RAD51B: variants seen among roughly 807,000 people sequenced by gnomAD.
RAD51B encodes the protein RAD51 paralog B, also known as DNA repair protein RAD51 homolog 2.
A neutral mutation model predicts 42.2 loss-of-function variants in RAD51B; 38 were observed. The observed-to-expected ratio is 0.90, with a 90% CI of 0.70 to 1.18. The LOEUF is 1.18. Among genes scored for constraint, RAD51B ranks in the 50% most tolerant of loss-of-function variants. RAD51B has a pLI of 0.00. For missense variants in RAD51B, 373 were observed against 400.7 expected, an observed-to-expected ratio of 0.93 and a Z score of 0.59; for synonymous variants, 154 against 145.2, an observed-to-expected ratio of 1.06 and a Z score of -0.43.
intron 8 of RAD51B, among the ~76,000 whole-genome samples, chr14:68,376,986 G>A (rs548507976): frequency 2.0e-5 from 3 of 152,176 alleles, no homozygotes; most frequent in African/African-American, 7.2e-5. Flanking sequence ...AAATTGCAGA[G>A]TAAAAGTCTG....
At chr14:68,478,641 A>G (rs1395816697), downstream of RAD51B, among the ~76,000 whole-genome samples, 1 of 152,204 alleles carries the variant, frequency 6.6e-6, no homozygotes, top group Non-Finnish European at 1.5e-5. Flanking sequence ...GACCTATCTT[A>G]CCCAGGTTGT....
intron 10 of RAD51B, among the ~76,000 whole-genome samples, chr14:68,515,959 G>C (rs1014570921): frequency 2.6e-5 from 4 of 151,694 alleles, no homozygotes; most frequent in African/African-American, 9.7e-5. Context: ...GTAATTTTTT[G>C]TATTTTTAGT....
intron 10 of RAD51B, among the ~76,000 whole-genome samples, chr14:68,568,810 C>T (rs1450134330): frequency 6.8e-6 from 1 of 147,948 alleles, no homozygotes; most frequent in East Asian, 1.9e-4. Context: ...TTCCTCTGCC[C>T]TCTCTTTGCC....
intron 7 of RAD51B, among the ~76,000 whole-genome samples, chr14:68,043,051 GA>G (rs34790747): frequency 0.014 from 2,095 of 145,492 alleles, 55 homozygotes; most frequent in African/African-American, 0.047. Context: ...TTTGAATGGG[GA>G]AAAAAAAAAA....
At chr14:68,663,169 G>A (rs1892967747) in intron 11 of RAD51B, among the ~76,000 whole-genome samples, 1 of 152,210 alleles carries the variant, frequency 6.6e-6, no homozygotes, top group South Asian at 2.1e-4. Flanking sequence ...AGGCGTGGTG[G>A]TGCGCACCTA....
intron 10 of RAD51B, among the ~76,000 whole-genome samples, chr14:68,621,203 C>T (rs980264492): frequency 6.6e-6 from 1 of 152,210 alleles, no homozygotes; most frequent in African/African-American, 2.4e-5. Flanking sequence ...TCCATCCATT[C>T]ATGATGGCAG....
intron 4 of RAD51B, among the ~76,000 whole-genome samples, chr14:67,851,248 T>C (rs928857850): frequency 1.3e-5 from 2 of 152,050 alleles, no homozygotes; most frequent in Non-Finnish European, 2.9e-5. Context: ...CTGGACTTCC[T>C]CTATGAGTCT....
At chr14:68,473,659 G>A (rs1194526263) in intron 10 of RAD51B, among the ~76,000 whole-genome samples, 1 of 151,932 alleles carries the variant, frequency 6.6e-6, no homozygotes, top group Non-Finnish European at 1.5e-5. Flanking sequence ...AAAGAAAACA[G>A]GTGAATCTAA....
chr14:67,839,579 A>T (rs1414805253), intron 4 of RAD51B, among the ~76,000 whole-genome samples: 1 of 152,128 alleles, frequency 6.6e-6, no homozygotes, highest in African/African-American at 2.4e-5. Flanking sequence ...TTTAAAAAAA[A>T]TCTTGTCAGA....
chr14:67,950,474 C>G (rs1475791626), intron 7 of RAD51B, among the ~76,000 whole-genome samples: 2 of 152,230 alleles, frequency 1.3e-5, no homozygotes, highest in Non-Finnish European at 1.5e-5. Context: ...GGGCCTTGCT[C>G]TGGATTAGGC....
intron 8 of RAD51B, among the ~76,000 whole-genome samples, chr14:68,299,403 T>G (rs1472976684): frequency 6.6e-6 from 1 of 152,154 alleles, no homozygotes. Context: ...CAGACCTTTT[T>G]CCTTGTCATT....
chr14:68,611,431 C>G (rs758941790), exon 11 of RAD51B: 4 of 594,724 alleles, frequency 6.7e-6, no homozygotes, highest in Non-Finnish European at 1.2e-5. Flanking sequence ...ACTCCTACAA[C>G]CCTTGATCCC....
At chr14:68,177,966 G>A (rs1407648223) in intron 7 of RAD51B, among the ~76,000 whole-genome samples, 4 of 152,158 alleles carry the variant, frequency 2.6e-5, no homozygotes, top group Non-Finnish European at 5.9e-5. Flanking sequence ...GCTCATCCAA[G>A]TAGGCAGAAT....
At chr14:68,314,752 G>C (rs1328474687) in intron 8 of RAD51B, among the ~76,000 whole-genome samples, 1 of 152,146 alleles carries the variant, frequency 6.6e-6, no homozygotes, top group Admixed American at 6.5e-5. Context: ...CTTATGACAG[G>C]CAATGATGGT....
At chr14:68,591,489 A>G (rs929623613) in intron 10 of RAD51B, among the ~76,000 whole-genome samples, 8 of 152,228 alleles carry the variant, frequency 5.3e-5, no homozygotes, top group Admixed American at 2.6e-4. Context: ...ATGCTTCTCA[A>G]GAAACAACCA....
chr14:68,408,695 C>G (rs1186131571), intron 8 of RAD51B, among the ~76,000 whole-genome samples: 3 of 152,096 alleles, frequency 2.0e-5, no homozygotes, highest in African/African-American at 7.2e-5. Context: ...TTTTAAAAAT[C>G]AAAATTGCGC....
intron 7 of RAD51B, among the ~76,000 whole-genome samples, chr14:68,050,421 G>A (rs1230554285): frequency 6.6e-6 from 1 of 151,712 alleles, no homozygotes; most frequent in African/African-American, 2.4e-5. Context: ...TCATTTTTTA[G>A]TCGACAACAA....
intron 7 of RAD51B, among the ~76,000 whole-genome samples, chr14:67,931,077 C>T (rs1021865266): frequency 6.6e-5 from 10 of 152,068 alleles, no homozygotes; most frequent in East Asian, 1.9e-4. Flanking sequence ...CCTGCCACCA[C>T]GCCTGGCTAA....
At chr14:68,531,513 T>C (rs1887304401) in intron 10 of RAD51B, among the ~76,000 whole-genome samples, 1 of 152,148 alleles carries the variant, frequency 6.6e-6, no homozygotes. Context: ...GAGAGATATA[T>C]AATGATATAA....
Sources: gnomAD v4.1 joint callset for allele counts (sites outside exome capture counted in the v4.1 genomes callset) on GRCh38, gnomAD v4.1.1 for gene constraint, MANE v1.5 for transcripts, NCBI Gene and HGNC (gene_info 2026-07-23, HGNC 2026-07-21) for gene names.